The following AGO1 variants were observed in gnomAD, a reference collection of about 807,000 sequenced individuals.
The protein encoded by AGO1 is protein argonaute-1.
A neutral mutation model predicts 109.2 loss-of-function variants in AGO1; 11 were observed. The ratio of observed to expected loss-of-function variants is 0.10; its 90% CI spans 0.06 to 0.17. AGO1 has a LOEUF of 0.17. Ranked by LOEUF, AGO1 falls within the 10% of genes least tolerant of loss-of-function variation. The pLI, the probability that AGO1 is intolerant of heterozygous loss-of-function variation, is 1.00. For synonymous variants in AGO1, 422 were observed against 418.6 expected, an observed-to-expected ratio of 1.01 and a Z score of -0.10; for missense variants, 574 against 1,140.3, an observed-to-expected ratio of 0.50 and a Z score of 7.15.
At chr1:35,874,146 T>A (rs893767129) in intron 1 of AGO1, among the ~76,000 whole-genome samples, 1 of 152,208 alleles carries the variant, frequency 6.6e-6, no homozygotes, top group Non-Finnish European at 1.5e-5. Flanking sequence ...GATGGCAAAT[T>A]TGATCTACCA....
intron 2 of AGO1, among the ~76,000 whole-genome samples, chr1:35,890,565 A>G (rs1276124741): frequency 6.6e-6 from 1 of 152,168 alleles, no homozygotes; most frequent in African/African-American, 2.4e-5. Flanking sequence ...TCTATTGAGG[A>G]ACATTTGAGT....
intron 1 of AGO1, among the ~76,000 whole-genome samples, chr1:35,870,807 G>T (rs1187228445): frequency 6.6e-6 from 1 of 151,952 alleles, no homozygotes; most frequent in East Asian, 1.9e-4. Context: ...TGCTTTTTCT[G>T]TATTGTTTAA....
rs183242294 is a variant in AGO1 at position 35,898,168 on chromosome 1, A to C, written c.1020+2899A>C. On this transcript the variant is annotated intron_variant, in intron 8 of 18. Transcript: ENST00000373204. ...GGTATCATGAATAATGCTGCTGTGA[A>C]CATTGATGTACACATTTTTGTGTGA... Among the ~76,000 whole-genome samples, 9 of 152,282 alleles carry C rather than the reference A, an allele frequency of 5.9e-5. No homozygotes were observed. The East Asian group carries it at 9.6e-4, about 16-fold the overall frequency.
At chr1:35,903,333 T>C (rs1333823095) in intron 11 of AGO1, among the ~76,000 whole-genome samples, 1 of 150,568 alleles carries the variant, frequency 6.6e-6, no homozygotes, top group East Asian at 2.0e-4. Context: ...TTTATTGAGA[T>C]AGGTTTAAAA....
In AGO1 at chr1:35,901,889, A is replaced by G; in HGVS notation, c.1141-59A>G. The G allele has an allele frequency of 6.5e-7, 1 of 1,532,038 alleles. No individual in the cohort carries two copies. Among genetic ancestry groups the G allele is most frequent in the Admixed American group, 2.1e-5 (1 of 46,586 alleles). The allele number at this position is 1,532,038 out of a possible 1,614,324, so 94.9% of individuals were successfully genotyped here. A position where few individuals can be genotyped will look rare whatever the true frequency, so the allele number is the denominator to read the frequency against. On this transcript the variant is annotated intron_variant, in intron 9 of 18. Transcript: ENST00000373204. The surrounding 1 kb of genome is among the most constrained non-coding windows in gnomAD (Gnocchi z 4.8). ...TTAGGGTTCTCTCCTTGATACCCAG[A>G]GGGTGAGCAGTATTGCCAAGCTCCT... is the stretch of plus-strand genomic sequence containing the variant.
At chr1:35,899,816 A>G (rs1645383027) in intron 8 of AGO1, among the ~76,000 whole-genome samples, 1 of 152,196 alleles carries the variant, frequency 6.6e-6, no homozygotes, top group South Asian at 2.1e-4. Flanking sequence ...CTAAATCCTT[A>G]CAACAAACTC....
chr1:35,883,304 T>G lies in AGO1; in HGVS notation c.-118T>G. 6.8e-7 allele frequency: 1 copy of G among 1,467,984 alleles called. No individual in the cohort carries two copies. Among genetic ancestry groups the G allele is most frequent in the South Asian group, 1.4e-5 (1 of 73,906 alleles). The allele number at this position is 1,467,984 out of a possible 1,614,324, so 90.9% of individuals were successfully genotyped here. On this transcript the variant is annotated 5_prime_UTR_variant, in exon 1 of 19. Coordinates refer to ENST00000373204, the MANE Select transcript of AGO1 (RefSeq NM_012199.5). The surrounding 1 kb of genome is among the most constrained non-coding windows in gnomAD (Gnocchi z 5.4). ...GGGGCGGCGGCGCGAGCGGCCGGGC[T>G]TGGTAGGGGAGCCGAGCCCGGCCCG... is the stretch of plus-strand genomic sequence containing the variant.
intron 2 of AGO1, among the ~76,000 whole-genome samples, chr1:35,890,958 C>T (rs1256481139): frequency 1.3e-5 from 2 of 152,160 alleles, no homozygotes; most frequent in African/African-American, 4.8e-5. Context: ...AATTGATGCA[C>T]ACACATATAA....
intron 1 of AGO1, among the ~76,000 whole-genome samples, chr1:35,875,477 G>C (rs548505657): frequency 1.3e-5 from 2 of 152,098 alleles, no homozygotes; most frequent in South Asian, 4.1e-4. Context: ...GCAGTGGTGC[G>C]ATCTTGGCTC....
In AGO1 at chr1:35,900,561, C is replaced by T. The variant is rs546440575; in HGVS notation, c.1021-913C>T. On this transcript the variant is annotated intron_variant, in intron 8 of 18. Transcript: ENST00000373204. The stretch of plus-strand genomic sequence containing the variant: ...TGGCCAACATGGCAAAACCCCATCT[C>T]TATTAAAAATACAAAATTAGCCGGG... Among the ~76,000 whole-genome samples, 9 of 152,216 alleles carry T rather than the reference C, an allele frequency of 5.9e-5. No homozygotes were observed. The East Asian group carries it at 1.7e-3, about 29-fold the overall frequency.
intron 12 of AGO1, among the ~76,000 whole-genome samples, chr1:35,910,403 TG>T (rs960876481): frequency 1.3e-5 from 2 of 151,986 alleles, no homozygotes; most frequent in African/African-American, 4.8e-5. Flanking sequence ...GTTTTTTTAA[TG>T]TAAACTTTTT....
chr1:35,911,730 C>G (rs1310760246), intron 12 of AGO1, among the ~76,000 whole-genome samples: 1 of 152,198 alleles, frequency 6.6e-6, no homozygotes, highest in African/African-American at 2.4e-5. Flanking sequence ...ACATTTTCTT[C>G]CTGGTACCTT....
At chr1:35,891,600 T>C (rs569667364) in intron 2 of AGO1, among the ~76,000 whole-genome samples, 112 of 152,338 alleles carry the variant, frequency 7.4e-4, no homozygotes, top group African/African-American at 2.6e-3. Context: ...AGTCTCACTT[T>C]ATCGTCCAGG....
rs1645998053 is a variant in AGO1 at position 35,929,674 on chromosome 1, G to A, written c.*10067G>A. On this transcript the variant is annotated 3_prime_UTR_variant, in exon 19 of 19. Coordinates refer to ENST00000373204, the MANE Select transcript of AGO1 (RefSeq NM_012199.5). ...TTGGGGAGGGTATTTTCAGCCATGG[G>A]GGTAGGGATGTGAAAGAAGAAGAAA... The A allele has an allele frequency of 6.6e-6, 1 of 152,210 alleles. No homozygotes were observed. The highest frequency in any genetic ancestry group is 2.4e-5 in the African/African-American group (1 of 41,446). The allele number at this position is 152,210 out of a possible 1,614,324, so 9.4% of individuals were successfully genotyped here. A position where few individuals can be genotyped will look rare whatever the true frequency, so the allele number is the denominator to read the frequency against.
At chr1:35,903,218 G>A (rs1202654752) in intron 11 of AGO1, among the ~76,000 whole-genome samples, 1 of 151,812 alleles carries the variant, frequency 6.6e-6, no homozygotes, top group Non-Finnish European at 1.5e-5. Flanking sequence ...GTGTTAGCCA[G>A]GATGATCTCG....
chr1:35,913,877 A>G lies in AGO1; in HGVS notation c.1618A>G (p.Met540Val). The change falls in exon 13 of 19, where the codon ATG (methionine) becomes GTG (valine). Residue 540 changes from methionine to valine, a missense_variant. Met to Val is a conservative substitution (Grantham distance 21). Coordinates refer to ENST00000373204, the MANE Select transcript of AGO1 (RefSeq NM_012199.5). ...VKRVGDTLLG[M>V]ATQCVQVKNV... ...ACGTGTCGGAGATACACTCTTGGGA[A>G]TGGCTACGCAGTGTGTGCAGGTGAA... 1 of 1,614,004 alleles carries G rather than the reference A, an allele frequency of 6.2e-7. No homozygotes were observed. The highest frequency in any genetic ancestry group is 8.5e-7 in the Non-Finnish European group (1 of 1,180,004).
intron 17 of AGO1, 98 bp downstream of exon 17, chr1:35,918,521 A>T (rs777317449): frequency 2.9e-4 from 282 of 980,002 alleles, no homozygotes; most frequent in Admixed American, 4.3e-4. Context: ...TGACATCCAA[A>T]TTAGGATTGC....
intron 14 of AGO1, 92 bp downstream of exon 14, chr1:35,914,366 C>G (rs1645696569): frequency 2.0e-6 from 2 of 1,010,198 alleles, no homozygotes; most frequent in African/African-American, 3.2e-5. Context: ...AGCTCTGGCT[C>G]TTGAGCCTTC....
intron 1 of AGO1, among the ~76,000 whole-genome samples, chr1:35,887,895 G>C: frequency 6.6e-6 from 1 of 152,156 alleles, no homozygotes; most frequent in South Asian, 2.1e-4. Flanking sequence ...TCGCCATTCA[G>C]TTGCCTTAAT....
Sources: allele counts gnomAD v4.1 joint callset (sites outside exome capture counted in the v4.1 genomes callset), GRCh38; gene constraint gnomAD v4.1.1; non-coding constraint Gnocchi (gnomAD v3.1); transcripts MANE v1.5; gene names NCBI Gene and HGNC (gene_info 2026-07-23, HGNC 2026-07-21).